MYBPC1: variants seen among roughly 807,000 people sequenced by gnomAD.
MYBPC1 encodes myosin binding protein C1.
Under a neutral mutation model 147.1 loss-of-function variants are expected in MYBPC1, and 52 were observed. The ratio of observed to expected loss-of-function variants is 0.35; its 90% confidence interval spans 0.28 to 0.45. The LOEUF (loss-of-function observed/expected upper bound fraction) is 0.45, where lower values mean the gene tolerates loss of function less well. Among genes scored for constraint, MYBPC1 ranks in the 20% least tolerant of loss-of-function variants. The probability of loss-of-function intolerance (pLI) is 1.00; values close to 1 mark genes in which losing one functional copy is unlikely to be tolerated. For missense variants in MYBPC1, 1,228 were observed against 1,440.3 expected (o/e 0.85, Z 2.39); for synonymous variants, 477 against 475.9 (o/e 1.00, Z -0.03).
intron 1 of MYBPC1, among the ~76,000 whole-genome samples, chr12:101,603,311 C>T (rs1880838791): frequency 6.6e-6 from 1 of 151,576 alleles, no homozygotes; most frequent in Non-Finnish European, 1.5e-5. Flanking sequence ...CGCCATTGCA[C>T]TCCAACCTGG....
intron 12 of MYBPC1, among the ~76,000 whole-genome samples, chr12:101,645,072 G>A (rs963974451): frequency 5.9e-5 from 9 of 152,024 alleles, no homozygotes; most frequent in African/African-American, 2.2e-4. Flanking sequence ...TTATTTCAGA[G>A]TATTGCCAAA....
intron 7 of MYBPC1, 103 bp from the exon 8 acceptor site, chr12:101,631,918 A>G (rs1889985838): frequency 7.6e-7 from 1 of 1,307,748 alleles, no homozygotes; most frequent in Non-Finnish European, 1.1e-6. Flanking sequence ...CTATAGTGAG[A>G]ACATTGTACT....
Position 101,680,467 on chromosome 12 carries a change from A to G in MYBPC1, c.3371A>G (p.Tyr1124Cys), listed in dbSNP as rs1950867960. The stretch of plus-strand genomic sequence containing the variant: ...CCCAGCCCCTATGATGGAGGCACTT[A>G]CTGCTGCAAAGCAGTCAATGACCTT... ...RKPSPYDGGT[Y>C]CCKAVNDLGT... Residue 1124 changes from tyrosine (Y) to cysteine (C), a missense_variant, in exon 29 of 32, where the codon TAC (tyrosine) becomes TGC (cysteine). Physicochemically the swap from Tyr to Cys is radical, Grantham distance 194. Transcript: ENST00000361466. 1 of 1,614,076 alleles carries G rather than the reference A, an allele frequency of 6.2e-7. No individual in the cohort carries two copies. The highest frequency in any genetic ancestry group is 8.5e-7 in the Non-Finnish European group (1 of 1,180,008).
At chr12:101,644,956 A>G (rs1486197286) in intron 12 of MYBPC1, among the ~76,000 whole-genome samples, 160 bp downstream of exon 12, 1 of 152,226 alleles carries the variant, frequency 6.6e-6, no homozygotes, top group Non-Finnish European at 1.5e-5. Context: ...TTATTAGGGA[A>G]ACATGATAGT....
At chr12:101,678,349 G>A in intron 28 of MYBPC1, 111 bp downstream of exon 28, 1 of 1,478,278 alleles carries the variant, frequency 6.8e-7, no homozygotes, top group South Asian at 1.1e-5. Context: ...TTCCCAGGAT[G>A]GGGGATTAGA....
At chr12:101,639,583 A>AT (rs1303329091) in intron 10 of MYBPC1, among the ~76,000 whole-genome samples, 2 of 152,216 alleles carry the variant, frequency 1.3e-5, no homozygotes, top group Non-Finnish European at 2.9e-5. Context: ...TAAGTATGTG[A>AT]TAAGAGTGGA....
At chr12:101,653,986 T>C (rs1266678159) in intron 18 of MYBPC1, among the ~76,000 whole-genome samples, 1 of 152,170 alleles carries the variant, frequency 6.6e-6, no homozygotes, top group Non-Finnish European at 1.5e-5. Flanking sequence ...GCAGAACACC[T>C]GAAGCCAGGA....
chr12:101,642,384 A>G, intron 10 of MYBPC1, 35 bp from the exon 11 acceptor site: 1 of 1,611,180 alleles, frequency 6.2e-7, no homozygotes, highest in Non-Finnish European at 8.5e-7. Flanking sequence ...GGGTCAGTGC[A>G]GCTACTAAAC....
At chr12:101,595,124 G>A (rs1876678263) in intron 1 of MYBPC1, 29 bp downstream of exon 1, 1 of 1,585,994 alleles carries the variant, frequency 6.3e-7, no homozygotes, top group Non-Finnish European at 8.7e-7. Context: ...TCTTTTTGTT[G>A]TACTCCTGAA....
At chr12:101,621,994 A>G (rs981517400) in intron 3 of MYBPC1, among the ~76,000 whole-genome samples, 3 of 152,200 alleles carry the variant, frequency 2.0e-5, no homozygotes, top group Admixed American at 6.5e-5. Flanking sequence ...CTTACAGATG[A>G]ATAAAATTCT....
chr12:101,649,951 A>T (rs1288932292), intron 15 of MYBPC1, among the ~76,000 whole-genome samples: 1 of 152,234 alleles, frequency 6.6e-6, no homozygotes, highest in Non-Finnish European at 1.5e-5. Flanking sequence ...TGCCATAAAA[A>T]TTAAAACAGC....
chr12:101,659,569 C>A, intron 18 of MYBPC1, 103 bp from the exon 19 acceptor site: 1 of 1,177,776 alleles, frequency 8.5e-7, no homozygotes, highest in Non-Finnish European at 1.3e-6. Flanking sequence ...AATCTATACA[C>A]TATACACTCT....
At chr12:101,596,662 C>T (rs746828602) in intron 1 of MYBPC1, among the ~76,000 whole-genome samples, 3 of 152,120 alleles carry the variant, frequency 2.0e-5, no homozygotes, top group African/African-American at 7.2e-5. Context: ...ATCGCAAAGG[C>T]GATGAAGTTT....
chr12:101,639,165 A>G (rs548421985), intron 10 of MYBPC1, among the ~76,000 whole-genome samples: 2 of 152,384 alleles, frequency 1.3e-5, no homozygotes, highest in East Asian at 3.9e-4. Context: ...ATTGACCTGT[A>G]TAAATACTTG....
chr12:101,616,325 G>A lies in MYBPC1; in HGVS notation c.62-877G>A, dbSNP rs1052014821. The stretch of plus-strand genomic sequence containing the variant: ...CATTGAGTACACTGAGAACCTACTG[G>A]CCATTATAAACAAACCTTTCCCTTC... On this transcript the variant is annotated intron_variant, in intron 2 of 31. Coordinates refer to ENST00000361466, the MANE Select transcript of MYBPC1 (RefSeq NM_002465.4). Among the ~76,000 whole-genome samples the A allele has an allele frequency of 9.9e-5, 15 of 152,206 alleles. No homozygotes were observed. The East Asian group carries it at 2.7e-3, about 27-fold the overall frequency.
downstream of MYBPC1, among the ~76,000 whole-genome samples, chr12:101,686,490 C>T (rs931745353): frequency 2.6e-5 from 4 of 152,186 alleles, no homozygotes; most frequent in African/African-American, 9.7e-5. Context: ...TGATGGAAAC[C>T]TTTATTAAAA....
In MYBPC1 at chr12:101,662,334, A is replaced by G. The variant is rs759221182; in HGVS notation, c.2033-24A>G. 6.8e-6 allele frequency: 11 copies of G among 1,612,514 alleles called. No individual in the cohort carries two copies. In the South Asian group the frequency reaches 9.9e-5, roughly 15 times the overall value. On this transcript the variant is annotated intron_variant, in intron 20 of 31. Coordinates refer to ENST00000361466, the MANE Select transcript of MYBPC1 (RefSeq NM_002465.4). Reference sequence around the variant, plus strand: ...ATTTCAGAGACCAAGGAAAAACCTTAGTTTTCATTTTGCATACCTGCAGGA... The same window carrying G: ...ATTTCAGAGACCAAGGAAAAACCTTGGTTTTCATTTTGCATACCTGCAGGA...
At chr12:101,695,265 G>A in the MYBPC1 span, among the ~76,000 whole-genome samples, 77,654 of 151,978 alleles carry the variant, frequency 0.51, 20,821 homozygotes, top group Admixed American at 0.6. Context: ...TATGTACTAT[G>A]TTGTTTCTAA....
intron 1 of MYBPC1, among the ~76,000 whole-genome samples, chr12:101,603,817 G>T (rs1475217035): frequency 6.6e-6 from 1 of 152,098 alleles, no homozygotes; most frequent in Non-Finnish European, 1.5e-5. Context: ...TACACCTGTA[G>T]TCCCAGCTAC....
Sources: gnomAD v4.1 joint callset for allele counts (sites outside exome capture counted in the v4.1 genomes callset) on GRCh38, gnomAD v4.1.1 for gene constraint, MANE v1.5 for transcripts, NCBI Gene and HGNC (gene_info 2026-07-23, HGNC 2026-07-21) for gene names.